The following MCPH1 variants were observed in gnomAD, a reference collection of about 807,000 sequenced individuals.
MCPH1 encodes microcephalin 1, also known as microcephalin.
Under a neutral mutation model 84.5 loss-of-function variants are expected in MCPH1, and 104 were observed. The ratio of observed to expected loss-of-function variants is 1.23; its 90% CI spans 1.05 to 1.45. The LOEUF (loss-of-function observed/expected upper bound fraction) is 1.45. Among genes scored for constraint, MCPH1 ranks in the 40% most tolerant of loss-of-function variants. The pLI is 0.00. For synonymous variants in MCPH1, 514 were observed against 366.8 expected, an observed-to-expected ratio of 1.40 and a Z score of -4.58; for missense variants, 1,498 against 1,005.7, an observed-to-expected ratio of 1.49 and a Z score of -6.62.
At chr8:6,561,066 G>A (rs1226139585) in intron 12 of MCPH1, among the ~76,000 whole-genome samples, 8 of 152,202 alleles carry the variant, frequency 5.3e-5, no homozygotes, top group Non-Finnish European at 1.2e-4. Context: ...GAAATAGGAA[G>A]TTCAAGTTAA....
intron 8 of MCPH1, chr8:6,447,399 G>T (rs888312265): frequency 1.0e-6 from 1 of 985,314 alleles, no homozygotes; most frequent in East Asian, 1.1e-4. Flanking sequence ...AGGGCTTTTT[G>T]CCATTTCTGT....
intron 12 of MCPH1, among the ~76,000 whole-genome samples, chr8:6,586,221 G>A (rs2959781): frequency 0.49 from 74,261 of 151,930 alleles, 18,374 homozygotes; most frequent in Admixed American, 0.58. Flanking sequence ...TCAGCCTCCC[G>A]GAGTCCTGGG....
intron 12 of MCPH1, among the ~76,000 whole-genome samples, chr8:6,583,011 G>T (rs1248541590): frequency 1.3e-5 from 2 of 152,156 alleles, no homozygotes; most frequent in African/African-American, 4.8e-5. Flanking sequence ...AGTCGGCGGT[G>T]AGGTATTCAT....
At chr8:6,446,591 A>T (rs956018265) in intron 8 of MCPH1, 1 of 980,044 alleles carries the variant, frequency 1.0e-6, no homozygotes, top group African/African-American at 1.8e-5. Flanking sequence ...TAGCCTTAGT[A>T]TGTGTTTTCA....
intron 5 of MCPH1, among the ~76,000 whole-genome samples, chr8:6,438,444 A>G (rs1397366514): frequency 6.6e-6 from 1 of 151,960 alleles, no homozygotes; most frequent in East Asian, 1.9e-4. Flanking sequence ...AAAAAACACA[A>G]CTCTGCACCC....
Position 6,567,867 on chromosome 8 carries a change from G to A in MCPH1, c.2215-53587G>A, listed in dbSNP as rs530178806. On this transcript the variant is annotated intron_variant, in intron 12 of 13. Transcript: ENST00000344683. ...CAAGAGGCAAGTGAGACTGTCAGAT[G>A]AGAAACATTATTACAGGTTCCCAAA... 3.9e-5 allele frequency among the ~76,000 whole-genome samples: 6 copies of A among 152,330 alleles called. No homozygotes were observed. In the South Asian group the frequency reaches 1.2e-3, roughly 32 times the overall value.
intron 11 of MCPH1, among the ~76,000 whole-genome samples, chr8:6,492,483 T>C (rs1283678603): frequency 2.0e-5 from 3 of 151,830 alleles, no homozygotes; most frequent in Non-Finnish European, 4.4e-5. Context: ...TTTAATTAGA[T>C]CCCATTTATC....
chr8:6,497,392 A>G (rs900293675), intron 11 of MCPH1, among the ~76,000 whole-genome samples: 11 of 152,180 alleles, frequency 7.2e-5, no homozygotes, highest in Non-Finnish European at 1.3e-4. Flanking sequence ...AGTCTCAGCT[A>G]CACAGGAGGC....
intron 13 of MCPH1, among the ~76,000 whole-genome samples, chr8:6,628,734 G>T (rs1796947339): frequency 6.6e-6 from 1 of 152,204 alleles, no homozygotes; most frequent in African/African-American, 2.4e-5. Context: ...CGTGCTTGGG[G>T]TGAATGCCCA....
rs140966535 is a variant in MCPH1, at chr8:6,577,373, C to T, written c.2215-44081C>T. Among the ~76,000 whole-genome samples, 193 of 152,288 alleles carry T rather than the reference C, an allele frequency of 1.3e-3. 1 individual carries two copies. Among genetic ancestry groups the T allele is most frequent in the South Asian group, 0.011 (52 of 4,830 alleles). On this transcript the variant is annotated intron_variant, in intron 12 of 13. Transcript: ENST00000344683. ...ATAGGTCAGCAGCTCCACATAGAAT[C>T]AAATTATCAAATGCACACTACCTGA...
At chr8:6,569,466 C>T (rs1032569036) in intron 12 of MCPH1, among the ~76,000 whole-genome samples, 8 of 152,226 alleles carry the variant, frequency 5.3e-5, no homozygotes, top group East Asian at 3.9e-4. Context: ...CTTTGGAATG[C>T]GAGGAAGGAC....
intron 12 of MCPH1, among the ~76,000 whole-genome samples, chr8:6,504,429 C>T (rs1330616073): frequency 6.6e-6 from 1 of 151,136 alleles, no homozygotes; most frequent in African/African-American, 2.4e-5. Context: ...TGAATAATCT[C>T]CTCTATCCAG....
chr8:6,432,803 A>G (rs1181117158), intron 4 of MCPH1, among the ~76,000 whole-genome samples: 1 of 152,260 alleles, frequency 6.6e-6, no homozygotes, highest in Admixed American at 6.5e-5. Flanking sequence ...TTATAGGTGA[A>G]CAAGTGTTCA....
intron 12 of MCPH1, among the ~76,000 whole-genome samples, chr8:6,514,253 G>A (rs146078856): frequency 3.9e-5 from 6 of 152,154 alleles, no homozygotes; most frequent in Admixed American, 2.6e-4. Context: ...GCAGTGGTGT[G>A]ATCTTGGCTG....
intron 12 of MCPH1, chr8:6,521,366 A>G (rs1261426726): frequency 1.1e-5 from 18 of 1,613,598 alleles, no homozygotes; most frequent in Middle Eastern, 1.7e-4. Flanking sequence ...CTGTAGTTGG[A>G]TGATGTGCTT....
At chr8:6,619,333 C>T (rs1368127588) in intron 12 of MCPH1, 1 of 152,334 alleles carries the variant, frequency 6.6e-6, no homozygotes, top group Non-Finnish European at 1.5e-5. Context: ...CTGTGTCGCC[C>T]AGGCTGGAGC....
At chr8:6,428,622 C>T (rs936405076) in intron 3 of MCPH1, among the ~76,000 whole-genome samples, 7 of 152,312 alleles carry the variant, frequency 4.6e-5, no homozygotes, top group South Asian at 2.1e-4. Context: ...TGATATACGG[C>T]CTTCATGTCT....
rs537545404 is a variant in MCPH1 at position 6,563,007 on chromosome 8, C to A, written c.2215-58447C>A. On this transcript the variant is annotated intron_variant, in intron 12 of 13. Transcript: ENST00000344683. ...ACACGTCCAGAGTCCCGAGCTGCTG[C>A]CGTCTAAAACGCAGGGCTGCTACGC... 4.0e-5 allele frequency: 60 copies of A among 1,487,320 alleles called. No individual in the cohort carries two copies. The African/African-American group carries it at 7.4e-4, about 18-fold the overall frequency. 92.1% of individuals were successfully genotyped at this position (1,487,320 alleles called of 1,614,324 possible).
intron 12 of MCPH1, among the ~76,000 whole-genome samples, chr8:6,564,726 G>C (rs1297809387): frequency 6.6e-6 from 1 of 152,138 alleles, no homozygotes; most frequent in African/African-American, 2.4e-5. Flanking sequence ...CCTTATCAAT[G>C]AATAGTTAAC....
Sources: allele counts gnomAD v4.1 joint callset (sites outside exome capture counted in the v4.1 genomes callset), GRCh38; gene constraint gnomAD v4.1.1; transcripts MANE v1.5; gene names NCBI Gene and HGNC (gene_info 2026-07-23, HGNC 2026-07-21).